The following EPHB1 variants were observed in gnomAD, a reference collection of about 807,000 sequenced individuals.
The protein encoded by EPHB1 is EPH receptor B1.
EPHB1 carries 30 observed loss-of-function variants against 94.4 expected under a neutral mutation model. The ratio of observed to expected loss-of-function variants is 0.32; its 90% CI spans 0.24 to 0.43. The LOEUF (loss-of-function observed/expected upper bound fraction) is 0.43. EPHB1 is among the 20% of genes least tolerant of loss of function. EPHB1 has a pLI of 1.00. For synonymous variants in EPHB1, 522 were observed against 489.1 expected (o/e 1.07, Z -0.89); for missense variants, 1,055 against 1,308.3 (o/e 0.81, Z 2.99).
intron 15 of EPHB1, among the ~76,000 whole-genome samples, chr3:135,258,146 AAT>A (rs1933494683): frequency 6.6e-6 from 1 of 152,130 alleles, no homozygotes; most frequent in South Asian, 2.1e-4. Context: ...CTCAGATGGA[AAT>A]GCAGAAATCA....
At chr3:135,101,022 A>G (rs1320345855) in intron 3 of EPHB1, among the ~76,000 whole-genome samples, 5 of 152,270 alleles carry the variant, frequency 3.3e-5, no homozygotes, top group Middle Eastern at 6.8e-3. Context: ...CTGAACTGCA[A>G]TCACTTACAA....
At chr3:134,804,550 G>A (rs1230480527) in intron 1 of EPHB1, among the ~76,000 whole-genome samples, 2 of 152,080 alleles carry the variant, frequency 1.3e-5, no homozygotes, top group African/African-American at 4.8e-5. Context: ...GATCTTGGTG[G>A]GTGTGTGTGG....
intron 1 of EPHB1, among the ~76,000 whole-genome samples, chr3:134,873,501 A>G (rs1305983131): frequency 6.6e-6 from 1 of 152,360 alleles, no homozygotes; most frequent in East Asian, 1.9e-4. Context: ...CTCTGCAGTA[A>G]TAGTGTATAT....
chr3:134,832,247 A>G (rs1052617023), intron 1 of EPHB1, among the ~76,000 whole-genome samples: 4 of 152,240 alleles, frequency 2.6e-5, no homozygotes, highest in African/African-American at 4.8e-5. Flanking sequence ...CAACATCAAC[A>G]TGCAAGACAG....
chr3:134,822,268 G>A lies in EPHB1; in HGVS notation c.58+26579G>A, dbSNP rs562688669. Among the ~76,000 whole-genome samples the A allele has an allele frequency of 1.3e-3, 192 of 152,184 alleles. 2 individuals carry two copies. The highest frequency in any genetic ancestry group is 8.7e-3 in the South Asian group (42 of 4,810). The stretch of plus-strand genomic sequence containing the variant: ...CCCTGTGTTGCTGTGTCTGAGCGGT[G>A]ACTCAGCACAGTAGCTGCTGTCCAG... On this transcript the variant is annotated intron_variant, in intron 1 of 15. Coordinates refer to ENST00000398015, the MANE Select transcript of EPHB1 (RefSeq NM_004441.5).
intron 3 of EPHB1, among the ~76,000 whole-genome samples, chr3:134,997,653 C>T (rs1309571314): frequency 1.3e-5 from 2 of 152,124 alleles, no homozygotes; most frequent in Non-Finnish European, 2.9e-5. Flanking sequence ...TTTTTAGTTT[C>T]CTTACTATTC....
chr3:135,228,144 C>T (rs1031054446), intron 12 of EPHB1, among the ~76,000 whole-genome samples: 1 of 152,050 alleles, frequency 6.6e-6, no homozygotes, highest in African/African-American at 2.4e-5. Flanking sequence ...CGCTCTAGTA[C>T]AGGATCCAGT....
intron 1 of EPHB1, among the ~76,000 whole-genome samples, chr3:134,894,042 A>G (rs1049655167): frequency 2.6e-5 from 4 of 152,096 alleles, no homozygotes; most frequent in African/African-American, 7.2e-5. Context: ...TTTTATTCCA[A>G]TGTGCATGGC....
chr3:135,155,331 C>T (rs1013505191), intron 6 of EPHB1, among the ~76,000 whole-genome samples: 4 of 152,044 alleles, frequency 2.6e-5, no homozygotes, highest in East Asian at 1.9e-4. Flanking sequence ...AAAGTAAGAT[C>T]GTTGTGAAGC....
intron 4 of EPHB1, among the ~76,000 whole-genome samples, chr3:135,119,276 C>G (rs922328620): frequency 2.6e-5 from 4 of 152,116 alleles, no homozygotes; most frequent in Admixed American, 6.6e-5. Context: ...ATTTTTAACT[C>G]TGTGGATACT....
At chr3:135,014,318 G>A (rs1935720092) in intron 3 of EPHB1, among the ~76,000 whole-genome samples, 1 of 152,190 alleles carries the variant, frequency 6.6e-6, no homozygotes, top group Non-Finnish European at 1.5e-5. Context: ...CCTGTGGTGT[G>A]GCCCATGCTC....
Position 135,248,504 on chromosome 3 carries a change from C to A in EPHB1, c.2685C>A (p.Thr895=), listed in dbSNP as rs756336032. ...GTCTCAAGACTGTGGCAACCATCACCGCCGTGTGAGTCTAGTGAAACGGTG... is the reference window on the plus strand; with the variant it reads ...GTCTCAAGACTGTGGCAACCATCACAGCCGTGTGAGTCTAGTGAAACGGTG... ...PASLKTVATI[T]AVPSQPLLDR... Residue 895 remains threonine (T), a synonymous_variant, in exon 14 of 16, where the codon ACC becomes ACA. Transcript: ENST00000398015. 3.1e-6 allele frequency: 5 copies of A among 1,595,986 alleles called. No individual in the cohort carries two copies. The South Asian group carries it at 5.6e-5, about 18-fold the overall frequency.
chr3:135,205,037 C>G (rs761155863), intron 12 of EPHB1, among the ~76,000 whole-genome samples: 2 of 148,908 alleles, frequency 1.3e-5, no homozygotes, highest in African/African-American at 4.9e-5. Context: ...TAAGTGAGAA[C>G]ATTTAATGTT....
At chr3:135,123,220 G>C (rs1489933060) in intron 4 of EPHB1, among the ~76,000 whole-genome samples, 2 of 152,196 alleles carry the variant, frequency 1.3e-5, no homozygotes, top group South Asian at 2.1e-4. Flanking sequence ...CTCTGAGCTA[G>C]AGTTTTCTCA....
intron 1 of EPHB1, among the ~76,000 whole-genome samples, chr3:134,847,091 C>G (rs374886016): frequency 6.6e-6 from 1 of 152,008 alleles, no homozygotes; most frequent in Non-Finnish European, 1.5e-5. Context: ...CGCCATTTCA[C>G]GCTGATTAAC....
intron 12 of EPHB1, among the ~76,000 whole-genome samples, chr3:135,227,998 G>T (rs1487270697): frequency 6.6e-6 from 1 of 151,850 alleles, no homozygotes; most frequent in African/African-American, 2.4e-5. Flanking sequence ...GAATAGGGAG[G>T]GATATTCTCT....
At chr3:135,047,851 G>A (rs568887301) in intron 3 of EPHB1, among the ~76,000 whole-genome samples, 6 of 137,308 alleles carry the variant, frequency 4.4e-5, no homozygotes, top group South Asian at 2.6e-4. Context: ...ATTGACAAAT[G>A]GTGGAGATGA....
chr3:134,846,894 A>T lies in EPHB1; in HGVS notation c.58+51205A>T, dbSNP rs1290025986. Among the ~76,000 whole-genome samples, 18 of 152,258 alleles carry T rather than the reference A, an allele frequency of 1.2e-4. No individual in the cohort carries two copies. The East Asian group carries it at 3.5e-3, about 29-fold the overall frequency. On this transcript the variant is annotated intron_variant, in intron 1 of 15. Transcript: ENST00000398015. ...AGTCAAGGCAAAAACAAAAGAATCC[A>T]TTTATTATCCTGGCAGGAAATTTGT... is the stretch of plus-strand genomic sequence containing the variant.
chr3:134,954,718 G>A (rs917803279), intron 3 of EPHB1, among the ~76,000 whole-genome samples: 3 of 152,186 alleles, frequency 2.0e-5, no homozygotes, highest in Non-Finnish European at 2.9e-5. Context: ...CTCCGCTTCT[G>A]GTTCCATGCT....
Sources: gnomAD v4.1 joint callset for allele counts (sites outside exome capture counted in the v4.1 genomes callset) on GRCh38, gnomAD v4.1.1 for gene constraint, MANE v1.5 for transcripts, NCBI Gene and HGNC (gene_info 2026-07-23, HGNC 2026-07-21) for gene names.